LPIN2: variants seen among roughly 807,000 people sequenced by gnomAD.
The protein encoded by LPIN2 is phosphatidate phosphatase LPIN2.
A neutral mutation model predicts 111.4 loss-of-function variants in LPIN2; 55 were observed. The observed-to-expected ratio is 0.49, with a 90% CI of 0.40 to 0.62. LPIN2 has a LOEUF of 0.62. Among genes scored for constraint, LPIN2 ranks in the 20% least tolerant of loss-of-function variants. The pLI is 0.00. For synonymous variants in LPIN2, 425 were observed against 414.0 expected (o/e 1.03, Z -0.32); for missense variants, 992 against 1,112.1 (o/e 0.89, Z 1.54).
intron 4 of LPIN2, chr18:2,945,615 C>A (rs1371948426): frequency 7.2e-6 from 11 of 1,527,986 alleles, no homozygotes; most frequent in Non-Finnish European, 1.0e-5. Flanking sequence ...TTGCCCACTG[C>A]ATCGGTTCAG....
At chr18:2,975,967 T>C (rs554797110) in intron 1 of LPIN2, among the ~76,000 whole-genome samples, 2 of 152,294 alleles carry the variant, frequency 1.3e-5, no homozygotes, top group East Asian at 1.9e-4. Context: ...TCGGAAGTTT[T>C]TTCTATTTAC....
In LPIN2 at chr18:2,951,216, T is replaced by C. The variant is rs2077531685; in HGVS notation, c.429A>G (p.Thr143=). ...QSSDISHVLE[T]ETIFTPSSVK... The stretch of plus-strand genomic sequence containing the variant: ...CAGAACTTGGAGTAAAAATTGTCTC[T>C]GTTTCCAAGACGTGTGAGATGTCTG... The change falls in exon 4 of 20, where the codon ACA becomes ACG. Residue 143 remains threonine, a synonymous_variant. Coordinates refer to ENST00000677752, the MANE Select transcript of LPIN2 (RefSeq NM_001375808.2). 11 of 1,614,188 alleles carry C rather than the reference T, an allele frequency of 6.8e-6. No individual in the cohort carries two copies. The East Asian group carries it at 2.2e-4, about 33-fold the overall frequency.
At chr18:2,952,852 G>T (rs2076733913) in intron 3 of LPIN2, among the ~76,000 whole-genome samples, 1 of 152,170 alleles carries the variant, frequency 6.6e-6, no homozygotes, top group Non-Finnish European at 1.5e-5. Flanking sequence ...CCATACTATG[G>T]AATACTGTGC....
chr18:2,951,760 G>C (rs1186452913), intron 3 of LPIN2, among the ~76,000 whole-genome samples: 1 of 152,234 alleles, frequency 6.6e-6, no homozygotes, highest in Non-Finnish European at 1.5e-5. Flanking sequence ...GGAAAAAGCA[G>C]AAGGCAGAGA....
chr18:3,012,171 G>A (rs991194074), intron 1 of LPIN2, among the ~76,000 whole-genome samples: 6 of 152,092 alleles, frequency 3.9e-5, no homozygotes, highest in Non-Finnish European at 8.8e-5. Flanking sequence ...CAAGTCTAGA[G>A]CCTCGTTTTC....
At chr18:2,956,074 CCAAA>C (rs146496433) in intron 2 of LPIN2, among the ~76,000 whole-genome samples, 17,774 of 152,116 alleles carry the variant, frequency 0.12, 1,577 homozygotes, top group East Asian at 0.45. Context: ...ATATGTTACT[CCAAA>C]CAAACATTGT....
intron 1 of LPIN2, among the ~76,000 whole-genome samples, chr18:2,966,553 T>C (rs1359965016): frequency 6.6e-6 from 1 of 152,222 alleles, no homozygotes; most frequent in Non-Finnish European, 1.5e-5. Flanking sequence ...ACCTAAGCCC[T>C]TAATTGCATC....
intron 1 of LPIN2, among the ~76,000 whole-genome samples, chr18:2,989,151 T>C (rs1051544492): frequency 2.6e-5 from 4 of 152,130 alleles, no homozygotes; most frequent in Admixed American, 1.3e-4. Flanking sequence ...GATGAAGAAA[T>C]GGAGGTTTAG....
Position 2,978,412 on chromosome 18 carries a change from T to G in LPIN2, c.-9-17563A>C, listed in dbSNP as rs527370085. ...GGTATGACTCACTGAAAAGGACTTT[T>G]GAGGTATTTTGACCAAAAACACACA... is the stretch of plus-strand genomic sequence containing the variant. On this transcript the variant is annotated intron_variant, in intron 1 of 19. Coordinates refer to ENST00000677752, the MANE Select transcript of LPIN2 (RefSeq NM_001375808.2). Among the ~76,000 whole-genome samples the G allele has an allele frequency of 7.2e-5, 11 of 152,298 alleles. No homozygotes were observed. The South Asian group carries it at 2.3e-3, about 32-fold the overall frequency.
At chr18:2,987,935 A>T (rs907039656) in intron 1 of LPIN2, among the ~76,000 whole-genome samples, 1 of 137,320 alleles carries the variant, frequency 7.3e-6, no homozygotes, top group Non-Finnish European at 1.5e-5. Flanking sequence ...GCTACTCAGG[A>T]GGCTGAGGCG....
chr18:2,945,566 T>C (rs2077438165), intron 4 of LPIN2: 2 of 1,508,400 alleles, frequency 1.3e-6, no homozygotes, highest in South Asian at 2.3e-5. Flanking sequence ...GTGTCGTCTT[T>C]TTGTTTTTCC....
chr18:2,984,625 G>A (rs574672112), intron 1 of LPIN2, among the ~76,000 whole-genome samples: 1 of 152,182 alleles, frequency 6.6e-6, no homozygotes, highest in African/African-American at 2.4e-5. Flanking sequence ...ATAAAATGTA[G>A]AAGAGATGAG....
chr18:2,992,619 G>A (rs148981802), intron 1 of LPIN2, among the ~76,000 whole-genome samples: 2,089 of 152,314 alleles, frequency 0.014, 66 homozygotes, highest in African/African-American at 0.048. Flanking sequence ...GGGAGGCCAA[G>A]GTGGGCAGAT....
At chr18:2,953,977 G>T (rs2077575593) in intron 3 of LPIN2, among the ~76,000 whole-genome samples, 1 of 152,182 alleles carries the variant, frequency 6.6e-6, no homozygotes, top group South Asian at 2.1e-4. Context: ...GCTAGAAGAA[G>T]TCAAACATGT....
In LPIN2 at chr18:2,934,457, A is replaced by T. The variant is rs2077257345; in HGVS notation, c.1169-7T>A. ...TGGCTTCTTTTGTGAACACCTGTTT[A>T]AAAAAAAAATCAGAGGTAAGAATTT... On this transcript the variant is annotated splice_region_variant and splice_polypyrimidine_tract_variant and intron_variant, in intron 7 of 19. Coordinates refer to ENST00000677752, the MANE Select transcript of LPIN2 (RefSeq NM_001375808.2). The T allele has an allele frequency of 4.9e-6, 7 of 1,423,076 alleles. No individual in the cohort carries two copies. Among genetic ancestry groups the T allele is most frequent in the Non-Finnish European group, 6.8e-6 (7 of 1,024,198 alleles). The allele number at this position is 1,423,076 out of a possible 1,614,324, so 88.2% of individuals were successfully genotyped here.
At chr18:2,997,720 G>C (rs1381567720) in intron 1 of LPIN2, among the ~76,000 whole-genome samples, 1 of 152,150 alleles carries the variant, frequency 6.6e-6, no homozygotes, top group Non-Finnish European at 1.5e-5. Context: ...GAAACAAAAA[G>C]TCACCAATTC....
intron 1 of LPIN2, among the ~76,000 whole-genome samples, chr18:2,979,372 G>A (rs766251841): frequency 2.6e-5 from 4 of 152,154 alleles, no homozygotes; most frequent in African/African-American, 4.8e-5. Flanking sequence ...ACTCAACATG[G>A]TAGCATTCAT....
At chr18:2,962,185 G>A (rs1332294702) in intron 1 of LPIN2, among the ~76,000 whole-genome samples, 3 of 151,914 alleles carry the variant, frequency 2.0e-5, no homozygotes, top group South Asian at 4.2e-4. Flanking sequence ...GCGGATGAAT[G>A]TGTAATCAAG....
chr18:2,939,462 G>C lies in LPIN2; in HGVS notation c.822+18C>G. ...TTAATCATTAACACACTTTCCACAG[G>C]CAAGTAAACCCTAGTACCTTGGTGG... On this transcript the variant is annotated intron_variant, in intron 6 of 19. Coordinates refer to ENST00000677752, the MANE Select transcript of LPIN2 (RefSeq NM_001375808.2). The C allele has an allele frequency of 6.2e-7, 1 of 1,612,960 alleles. No individual in the cohort carries two copies. Among genetic ancestry groups the C allele is most frequent in the South Asian group, 1.1e-5 (1 of 91,040 alleles).
Sources: gnomAD v4.1 joint callset for allele counts (sites outside exome capture counted in the v4.1 genomes callset) on GRCh38, gnomAD v4.1.1 for gene constraint, MANE v1.5 for transcripts, NCBI Gene and HGNC (gene_info 2026-07-23, HGNC 2026-07-21) for gene names.